Variants in PLCE1 observed in about 807,000 individuals in gnomAD.
PLCE1 encodes the protein phospholipase C epsilon 1, also known as 1-phosphatidylinositol 4,5-bisphosphate phosphodiesterase epsilon-1.
PLCE1 carries 119 observed loss-of-function variants against 242.8 expected under a neutral mutation model. The observed-to-expected ratio is 0.49, with a 90% CI of 0.42 to 0.57. PLCE1 has a LOEUF of 0.57. Ranked by LOEUF, PLCE1 falls within the 20% of genes least tolerant of loss-of-function variation. The probability of loss-of-function intolerance (pLI) is 0.00; values close to 1 mark genes in which losing one functional copy is unlikely to be tolerated. For synonymous variants in PLCE1, 945 were observed against 1,017.4 expected (o/e 0.93, Z 1.35); for missense variants, 2,441 against 2,788.8 (o/e 0.88, Z 2.81).
intron 2 of PLCE1, among the ~76,000 whole-genome samples, chr10:94,054,105 G>T (rs1319491686): frequency 1.3e-5 from 2 of 152,062 alleles, no homozygotes; most frequent in East Asian, 3.9e-4. Flanking sequence ...CCTTCCTTCT[G>T]TCACGGCAAT....
intron 16 of PLCE1, 59 bp from the exon 17 acceptor site, chr10:94,268,870 A>G: frequency 2.2e-6 from 2 of 915,104 alleles, no homozygotes; most frequent in Middle Eastern, 2.3e-4. Context: ...TGCTGGGTTT[A>G]GTTCGAGGCT....
chr10:94,070,742 A>G (rs766370817), intron 2 of PLCE1, among the ~76,000 whole-genome samples: 9 of 152,162 alleles, frequency 5.9e-5, no homozygotes, highest in Non-Finnish European at 1.2e-4. Context: ...AGTTTCCACC[A>G]TGGTTCTTAC....
rs966100180 is a variant in PLCE1 at position 94,279,996 on chromosome 10, G to T, written c.4795+85G>T. The T allele has an allele frequency of 3.6e-6, 5 of 1,377,880 alleles. No homozygotes were observed. The Admixed American group carries it at 6.7e-5, about 18-fold the overall frequency. The allele number at this position is 1,377,880 out of a possible 1,614,324, so 85.4% of individuals were successfully genotyped here. ...TTTCTTTCTAAAATAAGTCTAGAGC[G>T]CCAAAGACCAGTAATACGGATGGTT... On this transcript the variant is annotated intron_variant, in intron 20 of 32. Transcript: ENST00000371380.
chr10:94,306,322 C>A lies in PLCE1; in HGVS notation c.5623-105C>A. On this transcript the variant is annotated intron_variant, in intron 25 of 32. Transcript: ENST00000371380. The surrounding 1 kb of genome is among the most constrained non-coding windows in gnomAD (Gnocchi z 5.7). ...TTATTCATCATTCACTTTGTCCATT[C>A]CAGTGTTCTTGGGATTCCTTTGCAG... 1 of 1,573,534 alleles carries A rather than the reference C, an allele frequency of 6.4e-7. No homozygotes were observed. The highest frequency in any genetic ancestry group is 8.7e-7 in the Non-Finnish European group (1 of 1,144,196).
chr10:94,276,394 A>G (rs1440524247), intron 19 of PLCE1, among the ~76,000 whole-genome samples: 1 of 152,244 alleles, frequency 6.6e-6, no homozygotes, highest in African/African-American at 2.4e-5. Context: ...AAGGTGATAC[A>G]GAAGTCAGAG....
At chr10:94,110,115 T>G (rs1378723439) in intron 2 of PLCE1, among the ~76,000 whole-genome samples, 2 of 134,518 alleles carry the variant, frequency 1.5e-5, no homozygotes, top group Non-Finnish European at 3.1e-5. Flanking sequence ...CAGGCTGGAG[T>G]GCAGTGGTGC....
Position 94,234,087 on chromosome 10 carries a change from GGACCAGTCTGATATTGA to G in PLCE1, c.1995_2011del (p.Gln665HisfsTer12), listed in dbSNP as rs1356338143. 1 of 1,613,934 alleles carries G rather than the reference GGACCAGTCTGATATTGA, an allele frequency of 6.2e-7. No homozygotes were observed. The highest frequency in any genetic ancestry group is 8.5e-7 in the Non-Finnish European group (1 of 1,179,850). ...AAGTTTTAAAAATGTGGCAGTTCATGGACCAGTCTGATATTGAGACCATGAGGAGCCTGAAGGATGCT... is the reference window on the plus strand; with the variant it reads ...AAGTTTTAAAAATGTGGCAGTTCATGGACCATGAGGAGCCTGAAGGATGCT... On this transcript the variant is annotated frameshift_variant, in exon 6 of 33. Transcript: ENST00000371380. LOFTEE classifies it high-confidence loss of function.
intron 4 of PLCE1, among the ~76,000 whole-genome samples, chr10:94,187,026 G>T (rs1224098268): frequency 2.0e-5 from 3 of 152,010 alleles, no homozygotes; most frequent in South Asian, 2.1e-4. Context: ...TGAGAGAGAG[G>T]CTACAGATAA....
At chr10:94,004,455 A>G (rs1290911040) in intron 1 of PLCE1, among the ~76,000 whole-genome samples, 1 of 152,216 alleles carries the variant, frequency 6.6e-6, no homozygotes, top group African/African-American at 2.4e-5. Flanking sequence ...GAGAAAGCAG[A>G]TATAAAACTT....
At chr10:94,315,580 C>G in intron 28 of PLCE1, 1 of 446,156 alleles carries the variant, frequency 2.2e-6, no homozygotes, top group South Asian at 1.6e-5. Flanking sequence ...ACCAGCCTGG[C>G]CAACATGGTG....
rs764817889 is a variant in PLCE1, at chr10:94,031,897, G to A, written c.851G>A (p.Arg284Lys). 1 of 1,613,886 alleles carries A rather than the reference G, an allele frequency of 6.2e-7. No homozygotes were observed. The highest frequency in any genetic ancestry group is 8.5e-7 in the Non-Finnish European group (1 of 1,179,860). Reference sequence around the variant, plus strand: ...GTATATTCAGGTGATAGCTTTTGTAGGAAAGACTTTACTGACAGTCAAGCT... The same window carrying A: ...GTATATTCAGGTGATAGCTTTTGTAAGAAAGACTTTACTGACAGTCAAGCT... ...DMVYSGDSFC[R>K]KDFTDSQAAK... The change falls in exon 2 of 33, where the codon AGG becomes AAG. Residue 284 changes from arginine (R) to lysine (K), a missense_variant. Arg to Lys is a conservative substitution (Grantham distance 26). Coordinates refer to ENST00000371380, the MANE Select transcript of PLCE1 (RefSeq NM_016341.4).
chr10:94,144,568 G>A (rs908665611), intron 3 of PLCE1, among the ~76,000 whole-genome samples: 2 of 152,164 alleles, frequency 1.3e-5, no homozygotes, highest in Admixed American at 1.3e-4. Flanking sequence ...AAAAGAAGCA[G>A]CTCCTGTTAG....
chr10:94,309,110 A>G (rs996047154), intron 27 of PLCE1, among the ~76,000 whole-genome samples: 1 of 152,210 alleles, frequency 6.6e-6, no homozygotes, highest in Non-Finnish European at 1.5e-5. Context: ...CATTTCCAAT[A>G]CTTCTAGAAA....
At chr10:94,088,208 G>T (rs1392240633) in intron 2 of PLCE1, 2 of 152,188 alleles carry the variant, frequency 1.3e-5, no homozygotes, top group African/African-American at 4.8e-5. Flanking sequence ...CACCCTATAG[G>T]GTTGTTGTGA....
intron 4 of PLCE1, among the ~76,000 whole-genome samples, chr10:94,215,378 A>G (rs2049484519): frequency 6.6e-6 from 1 of 152,202 alleles, no homozygotes; most frequent in African/African-American, 2.4e-5. Context: ...AGATGAGTAA[A>G]ACAATGCCTG....
chr10:94,168,975 G>A (rs930206765), intron 3 of PLCE1, among the ~76,000 whole-genome samples: 10 of 152,270 alleles, frequency 6.6e-5, no homozygotes, highest in African/African-American at 2.4e-4. Flanking sequence ...GCCATCTAGG[G>A]TAGATTTAAG....
chr10:94,086,717 T>C (rs2044839161), intron 2 of PLCE1, among the ~76,000 whole-genome samples: 1 of 152,240 alleles, frequency 6.6e-6, no homozygotes, highest in Non-Finnish European at 1.5e-5. Context: ...AGGATTGCTC[T>C]GAGTAACAGG....
chr10:94,252,324 A>G lies in PLCE1; in HGVS notation c.3105A>G (p.Gly1035=), dbSNP rs1156979173. 1.2e-6 allele frequency: 2 copies of G among 1,613,992 alleles called. No individual in the cohort carries two copies. The highest frequency in any genetic ancestry group is 1.7e-6 in the Non-Finnish European group (2 of 1,179,928). ...KQYVSLYQED[G]RYEGPTLAHA... ...ATGTGGCTCTTTCACAGGAGGATGG[A>G]CGGTATGAAGGCCCAACTTTGGCTC... Residue 1035 remains glycine, a synonymous_variant, in exon 9 of 33, where the codon GGA becomes GGG. Transcript: ENST00000371380.
rs997620952 is a variant in PLCE1 at position 94,262,686 on chromosome 10, G to A, written c.4007G>A (p.Cys1336Tyr). Reference sequence around the variant, plus strand: ...CAGCTCAACGATTTCCTCGTGAATTGCCAAGGAGAACACTGCACTTATGAT... The same window carrying A: ...CAGCTCAACGATTTCCTCGTGAATTACCAAGGAGAACACTGCACTTATGAT... ...ILQLNDFLVN[C>Y]QGEHCTYDEI... is the part of the protein sequence containing the mutation. The change falls in exon 14 of 33, where the codon TGC (cysteine) becomes TAC (tyrosine). Residue 1336 changes from cysteine (C) to tyrosine (Y), a missense_variant. By Grantham distance (194) the Cys-to-Tyr change is radical. Coordinates refer to ENST00000371380, the MANE Select transcript of PLCE1 (RefSeq NM_016341.4). 1 of 1,614,018 alleles carries A rather than the reference G, an allele frequency of 6.2e-7. No individual in the cohort carries two copies. Among genetic ancestry groups the A allele is most frequent in the African/African-American group, 1.3e-5 (1 of 75,036 alleles).
Sources: gnomAD v4.1 joint callset for allele counts (sites outside exome capture counted in the v4.1 genomes callset) on GRCh38, gnomAD v4.1.1 for gene constraint, Gnocchi (gnomAD v3.1) non-coding constraint, MANE v1.5 for transcripts, NCBI Gene and HGNC (gene_info 2026-07-23, HGNC 2026-07-21) for gene names.